CSMD1: variants seen among roughly 807,000 people sequenced by gnomAD.
CSMD1 encodes the protein CUB and sushi domain-containing protein 1.
CSMD1 carries 213 observed loss-of-function variants against 417.5 expected under a neutral mutation model. The observed-to-expected ratio is 0.51, with a 90% CI of 0.46 to 0.57. The LOEUF (loss-of-function observed/expected upper bound fraction) is 0.57. Among genes scored for constraint, CSMD1 ranks in the 20% least tolerant of loss-of-function variants. The pLI, the probability that CSMD1 is intolerant of heterozygous loss-of-function variation, is 0.00. For synonymous variants in CSMD1, 2,862 were observed against 1,736.8 expected (o/e 1.65, Z -16.11); for missense variants, 6,923 against 4,529.7 (o/e 1.53, Z -15.17).
intron 12 of CSMD1, among the ~76,000 whole-genome samples, chr8:3,431,339 T>C (rs1477576303): frequency 6.6e-6 from 1 of 152,196 alleles, no homozygotes. Flanking sequence ...AGAAAGGCAG[T>C]AACTTGGAGA....
chr8:4,317,730 G>C (rs970365290), intron 3 of CSMD1, among the ~76,000 whole-genome samples: 3 of 152,116 alleles, frequency 2.0e-5, no homozygotes, highest in Admixed American at 6.6e-5. Flanking sequence ...GCTCAGCTGA[G>C]TACATGTCTG....
chr8:4,187,163 T>C (rs896137195), intron 3 of CSMD1, among the ~76,000 whole-genome samples: 8 of 152,160 alleles, frequency 5.3e-5, no homozygotes, highest in African/African-American at 1.7e-4. Flanking sequence ...CTTGTAGTAT[T>C]AAAAATAAGT....
At chr8:3,320,955 G>A (rs943263501) in intron 23 of CSMD1, among the ~76,000 whole-genome samples, 5 of 152,188 alleles carry the variant, frequency 3.3e-5, no homozygotes, top group Non-Finnish European at 2.9e-5. Flanking sequence ...GCAAAATGGA[G>A]TACGTAACCA....
chr8:4,173,045 A>G (rs936240252), intron 3 of CSMD1, among the ~76,000 whole-genome samples: 1 of 152,184 alleles, frequency 6.6e-6, no homozygotes, highest in African/African-American at 2.4e-5. Flanking sequence ...TATTGCAAGA[A>G]ATTTCCTGCC....
intron 1 of CSMD1, among the ~76,000 whole-genome samples, chr8:4,926,615 A>T (rs1438790635): frequency 6.6e-6 from 1 of 152,242 alleles, no homozygotes; most frequent in African/African-American, 2.4e-5. Context: ...AATAAAAAGC[A>T]TGTATATAGT....
intron 1 of CSMD1, among the ~76,000 whole-genome samples, chr8:4,949,187 T>C (rs1244177734): frequency 6.6e-6 from 1 of 152,172 alleles, no homozygotes. Context: ...GTTATAATAT[T>C]GTCTTAAATA....
At chr8:4,834,404 C>G (rs1800335308) in intron 1 of CSMD1, among the ~76,000 whole-genome samples, 1 of 151,994 alleles carries the variant, frequency 6.6e-6, no homozygotes, top group African/African-American at 2.4e-5. Flanking sequence ...AGCTCTAAGT[C>G]CTAACAATAT....
intron 3 of CSMD1, among the ~76,000 whole-genome samples, chr8:4,110,017 G>C (rs994972859): frequency 6.6e-6 from 1 of 152,082 alleles, no homozygotes; most frequent in Non-Finnish European, 1.5e-5. Flanking sequence ...TAACTAAAAT[G>C]ATTAAGATAA....
At chr8:4,457,372 G>A (rs923814819) in intron 2 of CSMD1, among the ~76,000 whole-genome samples, 1 of 152,084 alleles carries the variant, frequency 6.6e-6, no homozygotes, top group Non-Finnish European at 1.5e-5. Context: ...AGTGATTGGG[G>A]CTTCCCGAGG....
intron 5 of CSMD1, among the ~76,000 whole-genome samples, chr8:3,887,093 C>A (rs532132733): frequency 6.6e-6 from 1 of 152,166 alleles, no homozygotes; most frequent in East Asian, 1.9e-4. Flanking sequence ...TAGCTGAGCT[C>A]TGAAAAGTAG....
intron 12 of CSMD1, among the ~76,000 whole-genome samples, chr8:3,425,585 C>A (rs1204873282): frequency 1.3e-5 from 1 of 74,236 alleles, no homozygotes; most frequent in East Asian, 3.6e-4. Flanking sequence ...AAGATTCGGT[C>A]TCAAAAAAAA....
intron 1 of CSMD1, among the ~76,000 whole-genome samples, chr8:4,679,055 G>C (rs540397654): frequency 6.6e-4 from 100 of 152,280 alleles, no homozygotes; most frequent in African/African-American, 2.3e-3. Context: ...ATCACAGTGA[G>C]GTTCGTGACT....
At chr8:3,407,861 T>A (rs772925416) in intron 14 of CSMD1, 38 bp downstream of exon 14, 2 of 1,518,554 alleles carry the variant, frequency 1.3e-6, no homozygotes, top group Non-Finnish European at 1.8e-6. Context: ...GTAAGTAAAA[T>A]GAGAACTTGG....
Position 3,052,581 on chromosome 8 carries a change from T to C in CSMD1, c.7541A>G (p.Asp2514Gly), listed in dbSNP as rs368296810. ...GSFTGNEFTL[D>G]SKVVYECHEG... ...ATGACATTCATAGACCACTTTACTG[T>C]CCAAAGTGAACTCGTTCCCGGTAAA... The change falls in exon 50 of 70, where the codon GAC becomes GGC. Residue 2514 changes from aspartate (D) to glycine (G), a missense_variant. Coordinates refer to ENST00000635120, the MANE Select transcript of CSMD1 (RefSeq NM_033225.6). 19 of 1,611,650 alleles carry C rather than the reference T, an allele frequency of 1.2e-5. 1 individual carries two copies. The African/African-American group carries it at 1.9e-4, about 16-fold the overall frequency.
chr8:4,614,309 C>A (rs890925632), intron 2 of CSMD1, among the ~76,000 whole-genome samples: 1 of 152,156 alleles, frequency 6.6e-6, no homozygotes, highest in Non-Finnish European at 1.5e-5. Context: ...GGCCAAAACT[C>A]TGTAGAAAAT....
chr8:3,530,233 G>A (rs993619152), intron 10 of CSMD1, among the ~76,000 whole-genome samples: 15 of 151,804 alleles, frequency 9.9e-5, no homozygotes, highest in African/African-American at 3.6e-4. Context: ...TTTTTTTATA[G>A]CTCTTTAAAA....
intron 10 of CSMD1, among the ~76,000 whole-genome samples, chr8:3,563,498 C>T (rs915932409): frequency 7.0e-6 from 1 of 143,750 alleles, no homozygotes; most frequent in Non-Finnish European, 1.5e-5. Context: ...ACTAACTGAG[C>T]TCCAAAGAAA....
chr8:4,255,992 G>C (rs1056147992), intron 3 of CSMD1, among the ~76,000 whole-genome samples: 2 of 152,142 alleles, frequency 1.3e-5, no homozygotes, highest in African/African-American at 4.8e-5. Flanking sequence ...CTACGTGCAG[G>C]GTAGAGAGGG....
intron 2 of CSMD1, among the ~76,000 whole-genome samples, chr8:4,614,990 T>C (rs1431125776): frequency 6.6e-6 from 1 of 152,198 alleles, no homozygotes. Flanking sequence ...TACAAAGTAA[T>C]TTTCCCTGAA....
Sources: gnomAD v4.1 joint callset for allele counts (sites outside exome capture counted in the v4.1 genomes callset) on GRCh38, gnomAD v4.1.1 for gene constraint, MANE v1.5 for transcripts, NCBI Gene and HGNC (gene_info 2026-07-23, HGNC 2026-07-21) for gene names.